Variants in PITPNM3 observed in about 807,000 individuals in gnomAD.
The protein encoded by PITPNM3 is PITPNM family member 3, also known as membrane-associated phosphatidylinositol transfer protein 3.
Under a neutral mutation model 102.0 loss-of-function variants are expected in PITPNM3, and 26 were observed. The ratio of observed to expected loss-of-function variants is 0.25; its 90% CI spans 0.19 to 0.35. The LOEUF is 0.35. PITPNM3 is among the 10% of genes least tolerant of loss of function. The pLI is 1.00. For synonymous variants in PITPNM3, 578 were observed against 558.6 expected, an observed-to-expected ratio of 1.03 and a Z score of -0.49; for missense variants, 1,083 against 1,346.1, an observed-to-expected ratio of 0.80 and a Z score of 3.06.
intron 1 of PITPNM3, among the ~76,000 whole-genome samples, chr17:6,543,084 C>A (rs1330917243): frequency 6.6e-6 from 1 of 152,162 alleles, no homozygotes; most frequent in African/African-American, 2.4e-5. Context: ...CCCAACTCTT[C>A]TTCTAGCAAT....
rs1290501468 is a variant in PITPNM3, at chr17:6,537,290, G to A, written c.118+697C>T. Among the ~76,000 whole-genome samples, 2 of 131,392 alleles carry A rather than the reference G, an allele frequency of 1.5e-5. No homozygotes were observed. The highest frequency in any genetic ancestry group is 3.0e-5 in the African/African-American group (1 of 33,068). The allele number at this position is 131,392 out of a possible 152,430, so 86.2% of individuals were successfully genotyped here. A position where few individuals can be genotyped will look rare whatever the true frequency, so the allele number is the denominator to read the frequency against. ...TTTTTTTTTTCTGAGACAGAGTATC[G>A]CTCTGTCTGCAGTGCCATCTCGGCT... On this transcript the variant is annotated intron_variant, in intron 2 of 19. Coordinates refer to ENST00000262483, the MANE Select transcript of PITPNM3 (RefSeq NM_031220.4). The surrounding 1 kb of genome is among the most constrained non-coding windows in gnomAD (Gnocchi z 4.4).
Position 6,539,889 on chromosome 17 carries a change from T to TTAGATAGTAAGAAGCAAGAG in PITPNM3, c.23-1827_23-1808dup, listed in dbSNP as rs1340770604. On this transcript the variant is annotated intron_variant, in intron 1 of 19. Coordinates refer to ENST00000262483, the MANE Select transcript of PITPNM3 (RefSeq NM_031220.4). ...TCCCCATCTGTTCAGCTCCTGAGTT[T>TTAGATAGTAAGAAGCAAGAG]TAGATAGTAAGAAGCAAGAGTTTAA... 2.0e-5 allele frequency among the ~76,000 whole-genome samples: 3 copies of TTAGATAGTAAGAAGCAAGAG among 152,170 alleles called. No homozygotes were observed. In the East Asian group the frequency reaches 5.8e-4, roughly 29 times the overall value.
rs1257946915 is a variant in PITPNM3, at chr17:6,469,525, C to T, written c.1773+735G>A. On this transcript the variant is annotated intron_variant, in intron 13 of 19. Coordinates refer to ENST00000262483, the MANE Select transcript of PITPNM3 (RefSeq NM_031220.4). The surrounding 1 kb of genome is among the most constrained non-coding windows in gnomAD (Gnocchi z 4.0). ...TTAGTCACTCAAGTGGGAAACAGGA[C>T]GTACTGGGCTCCCGTCTTTCTCCTA... is the stretch of plus-strand genomic sequence containing the variant. Among the ~76,000 whole-genome samples, 2 of 152,134 alleles carry T rather than the reference C, an allele frequency of 1.3e-5. No individual in the cohort carries two copies. Among genetic ancestry groups the T allele is most frequent in the Non-Finnish European group, 1.5e-5 (1 of 68,020 alleles).
Position 6,537,649 on chromosome 17 carries a change from A to G in PITPNM3, c.118+338T>C, listed in dbSNP as rs556452287. Among the ~76,000 whole-genome samples the G allele has an allele frequency of 2.9e-4, 44 of 152,274 alleles. No homozygotes were observed. The highest frequency in any genetic ancestry group is 9.9e-4 in the African/African-American group (41 of 41,568). On this transcript the variant is annotated intron_variant, in intron 2 of 19. Transcript: ENST00000262483. The surrounding 1 kb of genome is among the most constrained non-coding windows in gnomAD (Gnocchi z 4.4). The stretch of plus-strand genomic sequence containing the variant: ...GCAGCGGCACTTTTACTTAGTGGCG[A>G]TGGTCCCCATTCGTCATTGTATTTT...
chr17:6,519,539 T>G (rs1325439430), intron 3 of PITPNM3, among the ~76,000 whole-genome samples: 1 of 147,702 alleles, frequency 6.8e-6, no homozygotes, highest in Admixed American at 6.8e-5. Flanking sequence ...AAAAAAGATT[T>G]GTAAACAAGG....
At chr17:6,485,392 A>C (rs1597377271) in intron 4 of PITPNM3, among the ~76,000 whole-genome samples, 3 of 151,974 alleles carry the variant, frequency 2.0e-5, no homozygotes. Flanking sequence ...TCCTGACCTC[A>C]AGTGATCCGC....
At chr17:6,531,732 C>T (rs976043397) in intron 2 of PITPNM3, among the ~76,000 whole-genome samples, 1 of 152,206 alleles carries the variant, frequency 6.6e-6, no homozygotes, top group Non-Finnish European at 1.5e-5. Flanking sequence ...TCTCTCCTTG[C>T]TGGGGCTGTG....
At chr17:6,524,440 C>G (rs574707747) in intron 3 of PITPNM3, among the ~76,000 whole-genome samples, 1 of 152,210 alleles carries the variant, frequency 6.6e-6, no homozygotes, top group Admixed American at 6.5e-5. Flanking sequence ...CTGCTTCTCA[C>G]TCCATTGTAA....
intron 14 of PITPNM3, among the ~76,000 whole-genome samples, chr17:6,467,127 T>C (rs1036584595): frequency 9.5e-5 from 14 of 147,028 alleles, no homozygotes; most frequent in African/African-American, 3.3e-4. Flanking sequence ...GTCCATCAGG[T>C]AGTGAATGGA....
At chr17:6,515,691 A>G (rs554816098) in intron 3 of PITPNM3, among the ~76,000 whole-genome samples, 113 of 150,572 alleles carry the variant, frequency 7.5e-4, no homozygotes, top group Non-Finnish European at 1.5e-3. Context: ...GAATAATCCA[A>G]TCTTAAGTGT....
At chr17:6,535,135 T>C (rs953350752) in intron 2 of PITPNM3, among the ~76,000 whole-genome samples, 2 of 151,954 alleles carry the variant, frequency 1.3e-5, no homozygotes, top group Non-Finnish European at 2.9e-5. Flanking sequence ...CAACTAGAGT[T>C]GGAACTGTTG....
intron 2 of PITPNM3, among the ~76,000 whole-genome samples, chr17:6,525,743 G>A (rs1456035435): frequency 6.6e-6 from 1 of 152,240 alleles, no homozygotes; most frequent in African/African-American, 2.4e-5. Flanking sequence ...TCCTAGCACT[G>A]ATGGCAGTAT....
chr17:6,484,153 AG>A (rs1228814523), intron 5 of PITPNM3, 62 bp downstream of exon 5: 1 of 1,500,402 alleles, frequency 6.7e-7, no homozygotes, highest in East Asian at 2.3e-5. Context: ...CTATGATCCG[AG>A]GGCTCTTGCT....
intron 1 of PITPNM3, among the ~76,000 whole-genome samples, chr17:6,548,803 A>C (rs1327995046): frequency 6.6e-6 from 1 of 152,164 alleles, no homozygotes; most frequent in African/African-American, 2.4e-5. Context: ...CGGTGTCAGC[A>C]GCAGACAGCT....
In PITPNM3 at chr17:6,451,892, C is replaced by CCCAAGG. The variant is rs55984944; in HGVS notation, c.*3445_*3446insCCTTGG. 1 of 94,446 alleles carries CCCAAGG rather than the reference C, an allele frequency of 1.1e-5. No individual in the cohort carries two copies. The highest frequency in any genetic ancestry group is 2.2e-5 in the Non-Finnish European group (1 of 46,070). The allele number at this position is 94,446 out of a possible 1,614,324, so 5.9% of individuals were successfully genotyped here. ...ACCCAAACCCCCCCCCCCCGCCCGCCGATGGGATTCGGTGGGAAAGTTGGT... is the reference window on the plus strand; with the variant it reads ...ACCCAAACCCCCCCCCCCCGCCCGCCCCAAGGGATGGGATTCGGTGGGAAAGTTGGT... On this transcript the variant is annotated 3_prime_UTR_variant, in exon 20 of 20. Coordinates refer to ENST00000262483, the MANE Select transcript of PITPNM3 (RefSeq NM_031220.4).
At chr17:6,532,672 G>A (rs1331792804) in intron 2 of PITPNM3, among the ~76,000 whole-genome samples, 9 of 152,046 alleles carry the variant, frequency 5.9e-5, no homozygotes, top group South Asian at 2.1e-4. Context: ...TCCGTGGTCC[G>A]TTCCTTCTTA....
rs768954637 is a variant in PITPNM3, at chr17:6,470,288, G to A, written c.1745C>T (p.Thr582Ile). ...HLFHASYWES[T>I]DVVAFILRQV... ...TCTCAGGATGAAGGCCACCACGTCT[G>A]TGGACTCCCAGTAACTGGCGTGGAA... The change falls in exon 13 of 20, where the codon ACA becomes ATA. Residue 582 changes from threonine (T) to isoleucine (I), a missense_variant. Physicochemically the swap from Thr to Ile is moderately conservative, Grantham distance 89. Transcript: ENST00000262483. This position sits in a 1 kb window ranked among gnomAD's most constrained non-coding sequence, Gnocchi z 4.8. The A allele has an allele frequency of 6.2e-7, 1 of 1,612,694 alleles. No individual in the cohort carries two copies. Among genetic ancestry groups the A allele is most frequent in the South Asian group, 1.1e-5 (1 of 90,836 alleles).
At chr17:6,535,977 T>C (rs1400537941) in intron 2 of PITPNM3, among the ~76,000 whole-genome samples, 1 of 151,414 alleles carries the variant, frequency 6.6e-6, no homozygotes, top group Non-Finnish European at 1.5e-5. Flanking sequence ...GGCAGGAGAA[T>C]TGCTTGAACC....
At position 6,481,017 on chromosome 17, in the gene PITPNM3, A is replaced by G. The variant is rs1284773207; in HGVS notation, c.588-2281T>C. 5 of 152,374 alleles carry G rather than the reference A, an allele frequency of 3.3e-5. No homozygotes were observed. In the East Asian group the frequency reaches 9.6e-4, roughly 29 times the overall value. 9.4% of individuals were successfully genotyped at this position (152,374 alleles called of 1,614,324 possible). A position where few individuals can be genotyped will look rare whatever the true frequency, so the allele number is the denominator to read the frequency against. The stretch of plus-strand genomic sequence containing the variant: ...CAGCGCTCAACCAGCCCTTCTGTGG[A>G]CACATCCTTCCCTCCTTTCTCCCCA... On this transcript the variant is annotated intron_variant, in intron 6 of 19. Coordinates refer to ENST00000262483, the MANE Select transcript of PITPNM3 (RefSeq NM_031220.4).
Sources: gnomAD v4.1 joint callset for allele counts (sites outside exome capture counted in the v4.1 genomes callset) on GRCh38, gnomAD v4.1.1 for gene constraint, Gnocchi (gnomAD v3.1) non-coding constraint, MANE v1.5 for transcripts, NCBI Gene and HGNC (gene_info 2026-07-23, HGNC 2026-07-21) for gene names.